XKR6: variants seen among roughly 807,000 people sequenced by gnomAD.
XKR6 encodes XK related 6, also known as XK-related protein 6.
A neutral mutation model predicts 56.7 loss-of-function variants in XKR6; 22 were observed. The ratio of observed to expected loss-of-function variants is 0.39; its 90% CI spans 0.28 to 0.55. The LOEUF is 0.55. XKR6 is among the 20% of genes least tolerant of loss of function. The pLI, the probability that XKR6 is intolerant of heterozygous loss-of-function variation, is 0.66. For missense variants in XKR6, 852 were observed against 889.0 expected (o/e 0.96, Z 0.53); for synonymous variants, 524 against 387.8 (o/e 1.35, Z -4.13).
chr8:11,193,834 C>T (rs957114558), intron 1 of XKR6, among the ~76,000 whole-genome samples: 18 of 147,892 alleles, frequency 1.2e-4, no homozygotes, highest in Admixed American at 5.5e-4. Flanking sequence ...ATTGCTTTAG[C>T]TTAATCTACC....
intron 1 of XKR6, among the ~76,000 whole-genome samples, chr8:11,016,976 G>A (rs1475004757): frequency 1.3e-5 from 2 of 152,174 alleles, no homozygotes; most frequent in South Asian, 4.1e-4. Flanking sequence ...GAGATTAGAC[G>A]GATAGATTAG....
Position 10,898,266 on chromosome 8 carries a change from C to T in XKR6, c.1612G>A (p.Gly538Arg). The T allele has an allele frequency of 6.2e-7, 1 of 1,614,134 alleles. No individual in the cohort carries two copies. Among genetic ancestry groups the T allele is most frequent in the Non-Finnish European group, 8.5e-7 (1 of 1,180,008 alleles). Residue 538 changes from glycine (G) to arginine (R), a missense_variant, in exon 3 of 3, where the codon GGG becomes AGG. Gly to Arg is a moderately radical substitution (Grantham distance 125). This residue lies in a region of XKR6 where 197 missense variants were observed against 190.9 expected (regional missense o/e 1.03). Transcript: ENST00000416569. This position sits in a 1 kb window ranked among gnomAD's most constrained non-coding sequence, Gnocchi z 6.6. ...PMAPEIPGYR[G>R]TQVTPTRAVT... Reference sequence around the variant, plus strand: ...GCTCTGGTGGGCGTAACCTGGGTCCCCCGGTACCCAGGGATCTCAGGCGCC... The same window carrying T: ...GCTCTGGTGGGCGTAACCTGGGTCCTCCGGTACCCAGGGATCTCAGGCGCC...
rs568905363 is a variant in XKR6, at chr8:10,928,072, C to T, written c.765-3242G>A. Among the ~76,000 whole-genome samples, 14 of 152,302 alleles carry T rather than the reference C, an allele frequency of 9.2e-5. No individual in the cohort carries two copies. The South Asian group carries it at 2.7e-3, about 29-fold the overall frequency. ...AGTCCTTGGGTCCACAGTACACAAC[C>T]GAGGGGTACTGGTTTGCAATATAAT... is the stretch of plus-strand genomic sequence containing the variant. On this transcript the variant is annotated intron_variant, in intron 1 of 2. Transcript: ENST00000416569.
chr8:11,180,463 T>C lies in XKR6; in HGVS notation c.764+20113A>G, dbSNP rs1274770470. The stretch of plus-strand genomic sequence containing the variant: ...GATGCCAGTAGCACCCCTCCAGCTG[T>C]GACAACCAGTCCCTAGACATGCCAC... On this transcript the variant is annotated intron_variant, in intron 1 of 2. Coordinates refer to ENST00000416569, the MANE Select transcript of XKR6 (RefSeq NM_173683.4). 2.0e-5 allele frequency among the ~76,000 whole-genome samples: 3 copies of C among 152,172 alleles called. 1 individual carries two copies. In the South Asian group the frequency reaches 6.2e-4, roughly 32 times the overall value.
chr8:10,970,718 A>G (rs954720114), intron 1 of XKR6, among the ~76,000 whole-genome samples: 5 of 151,298 alleles, frequency 3.3e-5, no homozygotes, highest in African/African-American at 1.2e-4. Context: ...AGACTAAATT[A>G]TTTTAACTAG....
At chr8:11,059,451 G>C (rs1002761471) in intron 1 of XKR6, among the ~76,000 whole-genome samples, 127 of 152,288 alleles carry the variant, frequency 8.3e-4, no homozygotes, top group African/African-American at 2.9e-3. Flanking sequence ...GCGTCCCCGC[G>C]CCGGCGCCGA....
At chr8:10,968,055 C>G (rs1802282426) in intron 1 of XKR6, among the ~76,000 whole-genome samples, 1 of 152,212 alleles carries the variant, frequency 6.6e-6, no homozygotes, top group Non-Finnish European at 1.5e-5. Flanking sequence ...CAGCACCCCC[C>G]AGCCTTTCCT....
At chr8:11,078,386 A>ATG (rs1800328960) in intron 1 of XKR6, among the ~76,000 whole-genome samples, 1 of 152,188 alleles carries the variant, frequency 6.6e-6, no homozygotes, top group African/African-American at 2.4e-5. Context: ...TCATGCTGGC[A>ATG]CACAGCTTTT....
chr8:10,984,300 T>C (rs1435610666), intron 1 of XKR6, among the ~76,000 whole-genome samples: 1 of 152,200 alleles, frequency 6.6e-6, no homozygotes, highest in Non-Finnish European at 1.5e-5. Context: ...TAAAACATAA[T>C]AAAATTCTTA....
At chr8:11,181,568 T>C (rs928246755) in intron 1 of XKR6, among the ~76,000 whole-genome samples, 1 of 152,186 alleles carries the variant, frequency 6.6e-6, no homozygotes, top group South Asian at 2.1e-4. Flanking sequence ...TATTAATATT[T>C]TGAACACATA....
Position 10,897,678 on chromosome 8 carries a change from T to G in XKR6, c.*274A>C. The G allele has an allele frequency of 2.9e-6, 1 of 342,110 alleles. No homozygotes were observed. The highest frequency in any genetic ancestry group is 4.3e-5 in the Admixed American group (1 of 23,250). The allele number at this position is 342,110 out of a possible 1,614,324, so 21.2% of individuals were successfully genotyped here. A position where few individuals can be genotyped will look rare whatever the true frequency, so the allele number is the denominator to read the frequency against. On this transcript the variant is annotated 3_prime_UTR_variant, in exon 3 of 3. Transcript: ENST00000416569. ...TGGGATTTTTCAATACTGTTTCTTA[T>G]GTGTAAAAAACAAAAGAAAGGTTTT...
At chr8:10,963,745 T>C (rs2129131471) in intron 1 of XKR6, among the ~76,000 whole-genome samples, 1 of 151,920 alleles carries the variant, frequency 6.6e-6, no homozygotes, top group South Asian at 2.1e-4. Flanking sequence ...GCTCTTCCTA[T>C]GCTTCTCAGG....
At chr8:11,059,885 C>G (rs1310724584) in intron 1 of XKR6, among the ~76,000 whole-genome samples, 2 of 152,296 alleles carry the variant, frequency 1.3e-5, no homozygotes, top group African/African-American at 4.8e-5. Context: ...TAAAAAACAA[C>G]GCTCCTGCAG....
chr8:11,101,798 G>C (rs1183321710), intron 1 of XKR6, among the ~76,000 whole-genome samples: 2 of 152,144 alleles, frequency 1.3e-5, no homozygotes, highest in Non-Finnish European at 2.9e-5. Context: ...TGTTTAGTTT[G>C]TGGGTTTATC....
chr8:11,072,958 G>C (rs1018807507), intron 1 of XKR6, among the ~76,000 whole-genome samples: 1 of 152,140 alleles, frequency 6.6e-6, no homozygotes, highest in Non-Finnish European at 1.5e-5. Context: ...GCTGAGGCAG[G>C]AGAATTGCTT....
chr8:11,148,089 A>G (rs2116962776), intron 1 of XKR6, among the ~76,000 whole-genome samples: 2 of 152,288 alleles, frequency 1.3e-5, no homozygotes, highest in East Asian at 3.9e-4. Flanking sequence ...ATGCACCTGT[A>G]GTCCCAGCTA....
At chr8:11,197,122 C>T (rs1041290604) in intron 1 of XKR6, among the ~76,000 whole-genome samples, 5 of 152,208 alleles carry the variant, frequency 3.3e-5, no homozygotes, top group Non-Finnish European at 5.9e-5. Flanking sequence ...CCCTCTACCA[C>T]ATCCCATCTC....
intron 1 of XKR6, among the ~76,000 whole-genome samples, chr8:11,156,874 G>T (rs1801549515): frequency 6.6e-6 from 1 of 151,950 alleles, no homozygotes; most frequent in Non-Finnish European, 1.5e-5. Flanking sequence ...GTCCTTCAGG[G>T]TAGGCTACAC....
chr8:10,942,451 C>T (rs1801411963), intron 1 of XKR6, among the ~76,000 whole-genome samples: 2 of 152,254 alleles, frequency 1.3e-5, no homozygotes, highest in Admixed American at 6.5e-5. Context: ...CTGTGCTTCC[C>T]CTCCTGCTCC....
Sources: gnomAD v4.1 joint callset for allele counts (sites outside exome capture counted in the v4.1 genomes callset) on GRCh38, gnomAD v4.1.1 for gene constraint, gnomAD v4.1.1 regional missense constraint, Gnocchi (gnomAD v3.1) non-coding constraint, MANE v1.5 for transcripts, NCBI Gene and HGNC (gene_info 2026-07-23, HGNC 2026-07-21) for gene names.